Variants in PROC observed in about 807,000 individuals in gnomAD.
PROC encodes vitamin K-dependent protein C.
A neutral mutation model predicts 36.3 loss-of-function variants in PROC; 22 were observed. The ratio of observed to expected loss-of-function variants is 0.61; its 90% CI spans 0.43 to 0.86. The LOEUF (loss-of-function observed/expected upper bound fraction) is 0.86, where lower values mean the gene tolerates loss of function less well. Ranked by LOEUF, PROC falls within the 40% of genes least tolerant of loss-of-function variation. The probability of loss-of-function intolerance (pLI) is 0.00; values close to 1 mark genes in which losing one functional copy is unlikely to be tolerated. For missense variants in PROC, 526 were observed against 629.7 expected (o/e 0.84, Z 1.76); for synonymous variants, 218 against 244.5 (o/e 0.89, Z 1.01).
Position 127,426,180 on chromosome 2 carries a change from C to A in PROC, c.631C>A (p.Arg211=), listed in dbSNP as rs121918143. ...TEDQEDQVDP[R]LIDGKMTRRG... is the part of the protein sequence containing the mutation. ...AGACCAAGAAGACCAAGTAGATCCGCGGCTCATTGATGGGAAGATGACCAG... is the reference window on the plus strand; with the variant it reads ...AGACCAAGAAGACCAAGTAGATCCGAGGCTCATTGATGGGAAGATGACCAG... Residue 211 remains arginine, a synonymous_variant, in exon 7 of 9, where the codon CGG becomes AGG. Transcript: ENST00000234071. This position sits in a 1 kb window ranked among gnomAD's most constrained non-coding sequence, Gnocchi z 7.0. 4 of 1,614,084 alleles carry A rather than the reference C, an allele frequency of 2.5e-6. No homozygotes were observed. Among genetic ancestry groups the A allele is most frequent in the Middle Eastern group, 1.6e-4 (1 of 6,062 alleles).
intron 6 of PROC, 155 bp downstream of exon 6, chr2:127,423,563 C>G: frequency 1.0e-6 from 1 of 988,652 alleles, no homozygotes; most frequent in Non-Finnish European, 1.4e-6. Context: ...CGCCCCAACA[C>G]CGGGGCCACT....
Position 127,428,951 on chromosome 2 carries a change from C to A in PROC, c.*5C>A. On this transcript the variant is annotated 3_prime_UTR_variant, in exon 9 of 9. Transcript: ENST00000234071. ...CAGAAGAGCTGGGCACCTTAGCGACCCTCCCTGCAGGGCTGGGCTTTTGCA... is the reference window on the plus strand; with the variant it reads ...CAGAAGAGCTGGGCACCTTAGCGACACTCCCTGCAGGGCTGGGCTTTTGCA... 1 of 1,613,748 alleles carries A rather than the reference C, an allele frequency of 6.2e-7. No individual in the cohort carries two copies.
rs1688224408 is a variant in PROC at position 127,423,138 on chromosome 2, C to T, written c.367C>T (p.Arg123Cys). 6.2e-7 allele frequency: 1 copy of T among 1,603,434 alleles called. No individual in the cohort carries two copies. The highest frequency in any genetic ancestry group is 8.5e-7 in the Non-Finnish European group (1 of 1,174,858). ...CATCGGCAGCTTCAGCTGCGACTGC[C>T]GCAGCGGCTGGGAGGGCCGCTTCTG... ...DGIGSFSCDCRSGWEGRFCQR... is the reference protein window; with the variant it reads ...DGIGSFSCDCCSGWEGRFCQR... Residue 123 changes from arginine (R) to cysteine (C), a missense_variant, in exon 5 of 9, where the codon CGC (arginine) becomes TGC (cysteine). Coordinates refer to ENST00000234071, the MANE Select transcript of PROC (RefSeq NM_000312.4).
chr2:127,429,122 TAACTCCTAGAGC>T lies in PROC; in HGVS notation c.*182_*193del. 4.1e-6 allele frequency: 3 copies of T among 727,346 alleles called. No homozygotes were observed. The highest frequency in any genetic ancestry group is 2.6e-5 in the Admixed American group (1 of 38,754). 45.1% of individuals were successfully genotyped at this position (727,346 alleles called of 1,614,324 possible). Reference sequence around the variant, plus strand: ...GTCACATGCCTTATGAATAGAATCTTAACTCCTAGAGCAACTCTGTGGGGTGGGGAGGAGCAG... The same window carrying T: ...GTCACATGCCTTATGAATAGAATCTTAACTCTGTGGGGTGGGGAGGAGCAG... On this transcript the variant is annotated 3_prime_UTR_variant, in exon 9 of 9. Coordinates refer to ENST00000234071, the MANE Select transcript of PROC (RefSeq NM_000312.4).
Position 127,423,295 on chromosome 2 carries a change from C to G in PROC, c.422C>G (p.Ser141Trp), listed in dbSNP as rs772880922. 1 of 1,550,172 alleles carries G rather than the reference C, an allele frequency of 6.5e-7. No homozygotes were observed. Among genetic ancestry groups the G allele is most frequent in the African/African-American group, 1.4e-5 (1 of 73,032 alleles). The change falls in exon 6 of 9, where the codon TCG becomes TGG. Residue 141 changes from serine to tryptophan, a missense_variant. By Grantham distance (177) the Ser-to-Trp change is radical (BLOSUM62 -3). Transcript: ENST00000234071. ...CQREVSFLNC[S>W]LDNGGCTHYC... is the part of the protein sequence containing the mutation. ...GCAGAGGTGAGCTTCCTCAATTGCTCGCTGGACAACGGCGGCTGCACGCAT... is the reference window on the plus strand; with the variant it reads ...GCAGAGGTGAGCTTCCTCAATTGCTGGCTGGACAACGGCGGCTGCACGCAT...
chr2:127,427,490 A>G (rs1444872078), intron 8 of PROC, among the ~76,000 whole-genome samples: 1 of 151,844 alleles, frequency 6.6e-6, no homozygotes, highest in East Asian at 1.9e-4. Context: ...GGGGCTACAC[A>G]GACCTTCACC....
In PROC at chr2:127,419,938, C is replaced by T; in HGVS notation, c.-5C>T. ...CCTCCTCAGACAGGTGCCAGTGCCT[C>T]CAGAATGTGGCAGCTCACAAGCCTC... On this transcript the variant is annotated 5_prime_UTR_variant, in exon 2 of 9. Coordinates refer to ENST00000234071, the MANE Select transcript of PROC (RefSeq NM_000312.4). The T allele has an allele frequency of 1.2e-6, 2 of 1,613,992 alleles. No individual in the cohort carries two copies.
intron 1 of PROC, chr2:127,419,599 C>A (rs1437207544): frequency 4.8e-6 from 2 of 417,630 alleles, no homozygotes; most frequent in Non-Finnish European, 9.0e-6. Context: ...GTCCAATCAA[C>A]GTTAGCTAAT....
chr2:127,418,506 C>T lies in PROC; in HGVS notation c.-22+14C>T. ...CGACCCGCCCCTGTGAGTCCCCCTC[C>T]AGGCAGGTCTATGAGGGGTGTGGAG... On this transcript the variant is annotated intron_variant, in intron 1 of 8. Transcript: ENST00000234071. The surrounding 1 kb of genome is among the most constrained non-coding windows in gnomAD (Gnocchi z 4.8). 2 of 1,289,794 alleles carry T rather than the reference C, an allele frequency of 1.6e-6. No individual in the cohort carries two copies. Among genetic ancestry groups the T allele is most frequent in the South Asian group, 2.5e-5 (2 of 81,032 alleles). 79.9% of individuals were successfully genotyped at this position (1,289,794 alleles called of 1,614,324 possible).
At chr2:127,428,213 C>T (rs1317013000) in intron 8 of PROC, 144 bp from the exon 9 acceptor site, 9 of 790,252 alleles carry the variant, frequency 1.1e-5, no homozygotes, top group African/African-American at 3.4e-5. Context: ...GTGCCTGGGA[C>T]GTGTGGGTGC....
At chr2:127,421,754 C>A (rs1688106641) in intron 3 of PROC, among the ~76,000 whole-genome samples, 1 of 152,250 alleles carries the variant, frequency 6.6e-6, no homozygotes, top group Non-Finnish European at 1.5e-5. Flanking sequence ...CTCCCCGTCC[C>A]ACCTCACAAA....
At position 127,426,114 on chromosome 2, in the gene PROC, C is replaced by T. The variant is rs146922325; in HGVS notation, c.565C>T (p.Arg189Trp). The T allele has an allele frequency of 2.3e-4, 374 of 1,614,004 alleles. 3 individuals are homozygous for T. In the East Asian group the frequency reaches 4.5e-3, roughly 19 times the overall value. ...VKFPCGRPWKRMEKKRSHLKR... is the reference protein window; with the variant it reads ...VKFPCGRPWKWMEKKRSHLKR... Reference sequence around the variant, plus strand: ...GTTCCCTTGTGGGAGGCCCTGGAAGCGGATGGAGAAGAAGCGCAGTCACCT... The same window carrying T: ...GTTCCCTTGTGGGAGGCCCTGGAAGTGGATGGAGAAGAAGCGCAGTCACCT... Residue 189 changes from arginine (R) to tryptophan (W), a missense_variant, in exon 7 of 9, where the codon CGG (arginine) becomes TGG (tryptophan). Transcript: ENST00000234071. The surrounding 1 kb of genome is among the most constrained non-coding windows in gnomAD (Gnocchi z 7.0).
chr2:127,423,672 TG>T, intron 6 of PROC: 2 of 498,696 alleles, frequency 4.0e-6, no homozygotes, highest in Non-Finnish European at 6.9e-6. Flanking sequence ...CCTGCGCACC[TG>T]GGGCCACCTC....
intron 2 of PROC, among the ~76,000 whole-genome samples, chr2:127,420,242 C>G (rs1018586173): frequency 1.3e-5 from 2 of 152,208 alleles, no homozygotes; most frequent in African/African-American, 4.8e-5. Context: ...CCGCGATGAC[C>G]TCCTAAAGCT....
rs1394970496 is a variant in PROC at position 127,423,367 on chromosome 2, G to C, written c.494G>C (p.Gly165Ala). ...TGGCGGCGCTGTAGCTGTGCGCCTG[G>C]CTACAAGCTGGGGGACGACCTCCTG... ...VGWRRCSCAP[G>A]YKLGDDLLQC... The change falls in exon 6 of 9, where the codon GGC becomes GCC. Residue 165 changes from glycine to alanine, a missense_variant. Transcript: ENST00000234071. 1 of 1,550,508 alleles carries C rather than the reference G, an allele frequency of 6.4e-7. No homozygotes were observed. The highest frequency in any genetic ancestry group is 1.2e-5 in the South Asian group (1 of 84,010).
In PROC at chr2:127,423,139, G is replaced by A; in HGVS notation, c.368G>A (p.Arg123His). ...ATCGGCAGCTTCAGCTGCGACTGCC[G>A]CAGCGGCTGGGAGGGCCGCTTCTGC... Reference protein sequence around the residue: ...DGIGSFSCDCRSGWEGRFCQR... With the variant: ...DGIGSFSCDCHSGWEGRFCQR... The change falls in exon 5 of 9, where the codon CGC becomes CAC. Residue 123 changes from arginine (R) to histidine (H), a missense_variant. Coordinates refer to ENST00000234071, the MANE Select transcript of PROC (RefSeq NM_000312.4). 1 of 1,603,032 alleles carries A rather than the reference G, an allele frequency of 6.2e-7. No individual in the cohort carries two copies. Among genetic ancestry groups the A allele is most frequent in the Non-Finnish European group, 8.5e-7 (1 of 1,174,686 alleles).
chr2:127,426,350 A>T lies in PROC; in HGVS notation c.678+123A>T. ...GCGCTGCCATTGCGTTTGGGGGATG[A>T]TGAAGGTGGGGGATGCTTCAGGGAA... On this transcript the variant is annotated intron_variant, in intron 7 of 8. Coordinates refer to ENST00000234071, the MANE Select transcript of PROC (RefSeq NM_000312.4). The surrounding 1 kb of genome is among the most constrained non-coding windows in gnomAD (Gnocchi z 7.0). 1 of 1,343,736 alleles carries T rather than the reference A, an allele frequency of 7.4e-7. No homozygotes were observed. Among genetic ancestry groups the T allele is most frequent in the Non-Finnish European group, 1.0e-6 (1 of 974,302 alleles). 83.2% of individuals were successfully genotyped at this position (1,343,736 alleles called of 1,614,324 possible).
Position 127,428,456 on chromosome 2 carries a change from A to T in PROC, c.896A>T (p.Asp299Val). The T allele has an allele frequency of 6.2e-7, 1 of 1,614,176 alleles. No homozygotes were observed. The highest frequency in any genetic ancestry group is 1.1e-5 in the South Asian group (1 of 91,078). ...PNYSKSTTDN[D>V]IALLHLAQPA... is the part of the protein sequence containing the mutation. ...TACAGCAAGAGCACCACCGACAATGACATCGCACTGCTGCACCTGGCCCAG... is the reference window on the plus strand; with the variant it reads ...TACAGCAAGAGCACCACCGACAATGTCATCGCACTGCTGCACCTGGCCCAG... The change falls in exon 9 of 9, where the codon GAC (aspartate) becomes GTC (valine). Residue 299 changes from aspartate (D) to valine (V), a missense_variant. Transcript: ENST00000234071.
intron 6 of PROC, 101 bp from the exon 7 acceptor site, chr2:127,425,984 C>T (rs1688468096): frequency 7.1e-7 from 1 of 1,406,190 alleles, no homozygotes; most frequent in Non-Finnish European, 1.0e-6. Flanking sequence ...TTGAACCCTG[C>T]ACTGTGGCAA....
Sources: allele counts gnomAD v4.1 joint callset (sites outside exome capture counted in the v4.1 genomes callset), GRCh38; gene constraint gnomAD v4.1.1; non-coding constraint Gnocchi (gnomAD v3.1); transcripts MANE v1.5; gene names NCBI Gene and HGNC (gene_info 2026-07-23, HGNC 2026-07-21).